Variants in PRKN observed in about 807,000 individuals in gnomAD.
The protein encoded by PRKN is parkin RBR E3 ubiquitin protein ligase.
A neutral mutation model predicts 59.5 loss-of-function variants in PRKN; 56 were observed. The observed-to-expected ratio is 0.94, with a 90% CI of 0.76 to 1.18. The LOEUF is 1.18. Ranked by LOEUF, PRKN falls within the 50% of genes most tolerant of loss-of-function variation. The probability of loss-of-function intolerance (pLI) is 0.00; values close to 1 mark genes in which losing one functional copy is unlikely to be tolerated. For missense variants in PRKN, 657 were observed against 596.4 expected, an observed-to-expected ratio of 1.10 and a Z score of -1.06; for synonymous variants, 250 against 222.1, an observed-to-expected ratio of 1.13 and a Z score of -1.12.
rs77867697 is a variant in PRKN at position 162,191,877 on chromosome 6, C to T, written c.534+9254G>A. On this transcript the variant is annotated intron_variant, in intron 4 of 11. Coordinates refer to ENST00000366898, the MANE Select transcript of PRKN (RefSeq NM_004562.3). The stretch of plus-strand genomic sequence containing the variant: ...TGGCTAGTAAAGCTAGAAACAGCCC[C>T]GTCAGTGTGTGAGTCAACAAGAATG... Among the ~76,000 whole-genome samples, 675 of 152,214 alleles carry T rather than the reference C, an allele frequency of 4.4e-3. 7 individuals are homozygous for T. Among genetic ancestry groups the T allele is most frequent in the African/African-American group, 0.015 (631 of 41,528 alleles).
intron 7 of PRKN, among the ~76,000 whole-genome samples, chr6:161,763,190 T>A (rs1789275326): frequency 6.6e-6 from 1 of 152,110 alleles, no homozygotes. Flanking sequence ...ATCGCACAAA[T>A]CATTTGCCCA....
At chr6:162,161,580 G>A (rs2187203) in intron 4 of PRKN, among the ~76,000 whole-genome samples, 148,920 of 152,282 alleles carry the variant, frequency 0.98, 72,882 homozygotes, top group Non-Finnish European at 1. Context: ...ATCTTTGTCC[G>A]GCGTATCCAC....
At chr6:161,659,346 C>T (rs1562589892) in intron 7 of PRKN, among the ~76,000 whole-genome samples, 1 of 152,260 alleles carries the variant, frequency 6.6e-6, no homozygotes, top group East Asian at 1.9e-4. Flanking sequence ...CTCATTTGAG[C>T]CTTGCACAGT....
intron 3 of PRKN, among the ~76,000 whole-genome samples, chr6:162,239,069 T>A (rs1778872472): frequency 6.6e-6 from 1 of 152,152 alleles, no homozygotes; most frequent in Non-Finnish European, 1.5e-5. Flanking sequence ...AATGTACACT[T>A]CAGAGAAGGA....
intron 9 of PRKN, among the ~76,000 whole-genome samples, chr6:161,496,378 T>C (rs1026028308): frequency 6.6e-6 from 1 of 152,258 alleles, no homozygotes; most frequent in African/African-American, 2.4e-5. Flanking sequence ...TAGTCTGGTC[T>C]CATGCTGCTA....
At chr6:161,836,745 C>G (rs1006462389) in intron 6 of PRKN, among the ~76,000 whole-genome samples, 1 of 152,118 alleles carries the variant, frequency 6.6e-6, no homozygotes, top group African/African-American at 2.4e-5. Flanking sequence ...CCTCGTCCAC[C>G]CTGGCCATGA....
intron 6 of PRKN, among the ~76,000 whole-genome samples, chr6:161,883,061 G>A (rs547991650): frequency 1.1e-4 from 16 of 151,942 alleles, no homozygotes; most frequent in Admixed American, 4.6e-4. Flanking sequence ...CTCCAGGTAG[G>A]TATTTTTTCT....
chr6:162,660,280 A>G (rs185886656), intron 1 of PRKN, among the ~76,000 whole-genome samples: 9 of 152,284 alleles, frequency 5.9e-5, no homozygotes, highest in Admixed American at 5.2e-4. Context: ...CCTTGTTTCA[A>G]TCACAATTAG....
At chr6:162,491,780 C>T (rs532115210) in intron 1 of PRKN, among the ~76,000 whole-genome samples, 12 of 152,272 alleles carry the variant, frequency 7.9e-5, no homozygotes, top group African/African-American at 2.2e-4. Context: ...GGTGACCAGC[C>T]GCACAATCAG....
chr6:161,995,605 T>A (rs992435327), intron 5 of PRKN, among the ~76,000 whole-genome samples: 1 of 151,968 alleles, frequency 6.6e-6, no homozygotes, highest in African/African-American at 2.4e-5. Context: ...AAGGTTAGAA[T>A]GGACACTTCT....
In PRKN at chr6:162,310,759, A is replaced by AT. The variant is rs1015461560; in HGVS notation, c.172-47995dup. 2.8e-3 allele frequency among the ~76,000 whole-genome samples: 148 copies of AT among 53,160 alleles called. 3 individuals carry two copies. In the East Asian group the frequency reaches 0.078, roughly 28 times the overall value. 34.9% of individuals were successfully genotyped at this position (53,160 alleles called of 152,430 possible). A position where few individuals can be genotyped will look rare whatever the true frequency, so the allele number is the denominator to read the frequency against. On this transcript the variant is annotated intron_variant, in intron 2 of 11. Coordinates refer to ENST00000366898, the MANE Select transcript of PRKN (RefSeq NM_004562.3). Reference sequence around the variant, plus strand: ...TAAATTATAATAAAAATATATATATATAAAAAAAAGCAGCAATGGGAGACT... The same window carrying AT: ...TAAATTATAATAAAAATATATATATATTAAAAAAAAGCAGCAATGGGAGACT...
chr6:162,623,007 A>T (rs887854686), intron 1 of PRKN, among the ~76,000 whole-genome samples: 1 of 152,232 alleles, frequency 6.6e-6, no homozygotes, highest in Admixed American at 6.5e-5. Context: ...ACAAACAAAA[A>T]AAACCTTTTC....
intron 6 of PRKN, among the ~76,000 whole-genome samples, chr6:161,881,261 G>T (rs1794924814): frequency 6.6e-6 from 1 of 152,194 alleles, no homozygotes; most frequent in Admixed American, 6.5e-5. Flanking sequence ...AACAGATGTG[G>T]AAGTTGGAAT....
intron 4 of PRKN, among the ~76,000 whole-genome samples, chr6:162,175,492 A>C (rs1422609565): frequency 6.6e-6 from 1 of 152,218 alleles, no homozygotes; most frequent in Non-Finnish European, 1.5e-5. Context: ...TGGAAATCAT[A>C]GCTAAAAACA....
Position 161,360,043 on chromosome 6 carries a change from C to A in PRKN, c.1285+45G>T, listed in dbSNP as rs781138283. On this transcript the variant is annotated intron_variant, in intron 11 of 11. Transcript: ENST00000366898. The surrounding 1 kb of genome is among the most constrained non-coding windows in gnomAD (Gnocchi z 5.1). ...ATCCCTGATGGGTATGATTCTCCCC[C>A]AAAGAGCACACGACATCCTCATTCT... 2 of 1,390,430 alleles carry A rather than the reference C, an allele frequency of 1.4e-6. No homozygotes were observed. The highest frequency in any genetic ancestry group is 2.0e-6 in the Non-Finnish European group (2 of 975,848). 86.1% of individuals were successfully genotyped at this position (1,390,430 alleles called of 1,614,324 possible).
chr6:161,536,523 G>A (rs1398630503), intron 9 of PRKN, among the ~76,000 whole-genome samples: 1 of 152,174 alleles, frequency 6.6e-6, no homozygotes, highest in Non-Finnish European at 1.5e-5. Flanking sequence ...TGCACACAGA[G>A]ATTCTAACCA....
At chr6:162,155,525 G>C (rs1782475684) in intron 4 of PRKN, among the ~76,000 whole-genome samples, 1 of 152,016 alleles carries the variant, frequency 6.6e-6, no homozygotes, top group Non-Finnish European at 1.5e-5. Flanking sequence ...GAATATCATA[G>C]ATACAGACAG....
chr6:161,661,297 TCTC>T (rs1312175594), intron 7 of PRKN, among the ~76,000 whole-genome samples: 1 of 152,132 alleles, frequency 6.6e-6, no homozygotes, highest in African/African-American at 2.4e-5. Context: ...ACCTTGCTCT[TCTC>T]CACACTCACT....
chr6:162,305,997 T>C (rs1411428641), intron 2 of PRKN, among the ~76,000 whole-genome samples: 4 of 152,112 alleles, frequency 2.6e-5, no homozygotes, highest in African/African-American at 9.7e-5. Context: ...TATTTCACAA[T>C]GGAAATAAAA....
Sources: allele counts gnomAD v4.1 joint callset (sites outside exome capture counted in the v4.1 genomes callset), GRCh38; gene constraint gnomAD v4.1.1; non-coding constraint Gnocchi (gnomAD v3.1); transcripts MANE v1.5; gene names NCBI Gene and HGNC (gene_info 2026-07-23, HGNC 2026-07-21).